Variants in NELL1 observed in about 807,000 individuals in gnomAD.
NELL1 encodes protein kinase C-binding protein NELL1.
NELL1 carries 76 observed loss-of-function variants against 107.4 expected under a neutral mutation model. That is an observed-to-expected ratio of 0.71 (90% confidence interval 0.59 to 0.86). The LOEUF (loss-of-function observed/expected upper bound fraction) is 0.86. NELL1 is among the 40% of genes least tolerant of loss of function. The probability of loss-of-function intolerance (pLI) is 0.00; values close to 1 mark genes in which losing one functional copy is unlikely to be tolerated. For missense variants in NELL1, 1,024 were observed against 1,005.5 expected, an observed-to-expected ratio of 1.02 and a Z score of -0.25; for synonymous variants, 353 against 341.2, an observed-to-expected ratio of 1.03 and a Z score of -0.38.
At chr11:20,801,896 T>G (rs1419968954) in intron 3 of NELL1, among the ~76,000 whole-genome samples, 2 of 152,192 alleles carry the variant, frequency 1.3e-5, no homozygotes, top group Non-Finnish European at 2.9e-5. Flanking sequence ...TTCCTGTAGA[T>G]GTATGAATTT....
chr11:20,795,225 G>T (rs1315724775), intron 3 of NELL1, among the ~76,000 whole-genome samples: 1 of 152,112 alleles, frequency 6.6e-6, no homozygotes, highest in Admixed American at 6.5e-5. Context: ...AAACTCCCTA[G>T]GTAACTGAGC....
At chr11:21,451,801 TA>T (rs1387217857) in intron 15 of NELL1, among the ~76,000 whole-genome samples, 1 of 152,128 alleles carries the variant, frequency 6.6e-6, no homozygotes, top group Non-Finnish European at 1.5e-5. Flanking sequence ...AAAAGTTACT[TA>T]ATTACCCAAG....
At chr11:21,315,229 G>A (rs974324060) in intron 14 of NELL1, among the ~76,000 whole-genome samples, 1 of 152,098 alleles carries the variant, frequency 6.6e-6, no homozygotes, top group Non-Finnish European at 1.5e-5. Context: ...ATAAACAGGT[G>A]GAAAAGTCAG....
rs777878828 is a variant in NELL1 at position 20,795,032 on chromosome 11, T to A, written c.335+11202T>A. Among the ~76,000 whole-genome samples the A allele has an allele frequency of 8.0e-4, 122 of 152,218 alleles. 2 individuals are homozygous for A. The highest frequency in any genetic ancestry group is 4.6e-4 in the Admixed American group (7 of 15,288). On this transcript the variant is annotated intron_variant, in intron 3 of 19. Coordinates refer to ENST00000357134, the MANE Select transcript of NELL1 (RefSeq NM_006157.5). ...TCACTGTTTCCAATCTCTGCTAGGC[T>A]TCGGGCTACTCTCAGGCACAGCCAT...
intron 12 of NELL1, among the ~76,000 whole-genome samples, chr11:21,025,846 C>T (rs1225269378): frequency 2.0e-5 from 3 of 152,124 alleles, no homozygotes; most frequent in South Asian, 4.1e-4. Context: ...ACAACTTGCC[C>T]TCCCCAAACC....
chr11:21,534,060 A>G (rs888103576), intron 15 of NELL1, among the ~76,000 whole-genome samples: 13 of 152,216 alleles, frequency 8.5e-5, no homozygotes, highest in Non-Finnish European at 1.9e-4. Context: ...AAAGTCATAT[A>G]CACCCAATAC....
chr11:20,994,612 T>C (rs80347627), intron 12 of NELL1, among the ~76,000 whole-genome samples: 1,605 of 152,328 alleles, frequency 0.011, 24 homozygotes, highest in African/African-American at 0.035. Context: ...GTAAATTACA[T>C]ATGTCCCCAA....
chr11:21,070,889 A>G (rs1024995066), intron 12 of NELL1, among the ~76,000 whole-genome samples: 5 of 152,138 alleles, frequency 3.3e-5, no homozygotes, highest in Admixed American at 1.3e-4. Context: ...AAAATATCAG[A>G]AAAATACTTT....
chr11:21,166,814 T>TC (rs1343552272), intron 13 of NELL1, among the ~76,000 whole-genome samples: 1 of 151,902 alleles, frequency 6.6e-6, no homozygotes, highest in East Asian at 1.9e-4. Flanking sequence ...AATAAAATGC[T>TC]AGTTGACCAC....
intron 2 of NELL1, among the ~76,000 whole-genome samples, chr11:20,759,366 C>T (rs1856368195): frequency 6.6e-6 from 1 of 152,174 alleles, no homozygotes; most frequent in Admixed American, 6.5e-5. Flanking sequence ...AAGAAGATCA[C>T]ATTGAAATGC....
At chr11:20,981,334 T>G (rs937320296) in intron 12 of NELL1, among the ~76,000 whole-genome samples, 12 of 152,154 alleles carry the variant, frequency 7.9e-5, no homozygotes, top group African/African-American at 2.7e-4. Context: ...GTAGGAATCA[T>G]AAGTCTGTTG....
At chr11:21,247,635 A>G (rs938525436) in intron 14 of NELL1, among the ~76,000 whole-genome samples, 6 of 152,194 alleles carry the variant, frequency 3.9e-5, no homozygotes, top group African/African-American at 7.2e-5. Flanking sequence ...TACGTGGGGT[A>G]TTTTGTGGTT....
intron 14 of NELL1, among the ~76,000 whole-genome samples, chr11:21,276,266 G>C (rs7931673): frequency 0.81 from 123,305 of 151,556 alleles, 51,183 homozygotes; most frequent in Non-Finnish European, 0.9. Context: ...AACAGACAGA[G>C]AGCCAAATCA....
chr11:21,373,279 A>T (rs1418458002), intron 15 of NELL1, among the ~76,000 whole-genome samples: 1 of 152,078 alleles, frequency 6.6e-6, no homozygotes, highest in Non-Finnish European at 1.5e-5. Context: ...CTGTGCCATT[A>T]TCTTGTCTGA....
intron 14 of NELL1, among the ~76,000 whole-genome samples, chr11:21,340,620 TACACACACACACACACACACAC>T (rs71034506): frequency 1.4e-5 from 2 of 141,804 alleles, no homozygotes; most frequent in African/African-American, 5.4e-5. Flanking sequence ...TATGACGGGT[TACACACACACACACACACACAC>T]ACACACACAC....
At chr11:20,953,366 C>T (rs78400146) in intron 11 of NELL1, among the ~76,000 whole-genome samples, 5,003 of 152,082 alleles carry the variant, frequency 0.033, 260 homozygotes, top group African/African-American at 0.11. Flanking sequence ...GAAGAAGTTA[C>T]GGGAGTGAAT....
intron 12 of NELL1, among the ~76,000 whole-genome samples, chr11:20,983,796 A>G (rs1244862624): frequency 6.6e-6 from 1 of 152,128 alleles, no homozygotes; most frequent in African/African-American, 2.4e-5. Context: ...TCACAATGCA[A>G]AACTGAACAT....
At chr11:21,175,108 G>A (rs940322294) in intron 13 of NELL1, among the ~76,000 whole-genome samples, 4 of 151,750 alleles carry the variant, frequency 2.6e-5, no homozygotes, top group African/African-American at 9.7e-5. Flanking sequence ...CTGAATTGCT[G>A]TCTAAAATTA....
chr11:20,919,981 C>T lies in NELL1; in HGVS notation c.759+647C>T, dbSNP rs192692331. On this transcript the variant is annotated intron_variant, in intron 7 of 19. Transcript: ENST00000357134. ...CAAAGAGGCAATAGTGAAAAAGACA[C>T]GCTTTCTACCCTAGATATGTTCATA... 2.8e-3 allele frequency among the ~76,000 whole-genome samples: 429 copies of T among 152,216 alleles called. 4 individuals are homozygous for T. The highest frequency in any genetic ancestry group is 6.5e-3 in the African/African-American group (271 of 41,546).
Sources: allele counts gnomAD v4.1 joint callset (sites outside exome capture counted in the v4.1 genomes callset), GRCh38; gene constraint gnomAD v4.1.1; transcripts MANE v1.5; gene names NCBI Gene and HGNC (gene_info 2026-07-23, HGNC 2026-07-21).